TAF3: variants seen among roughly 807,000 people sequenced by gnomAD.
The protein encoded by TAF3 is transcription initiation factor TFIID subunit 3.
A neutral mutation model predicts 80.6 loss-of-function variants in TAF3; 7 were observed. That is an observed-to-expected ratio of 0.09 (90% confidence interval 0.05 to 0.16). TAF3 has a LOEUF of 0.16. Ranked by LOEUF, TAF3 falls within the 10% of genes least tolerant of loss-of-function variation. The pLI is 1.00. For synonymous variants in TAF3, 444 were observed against 446.1 expected (o/e 1.00, Z 0.06); for missense variants, 921 against 1,140.2 (o/e 0.81, Z 2.77).
At chr10:7,902,028 C>G (rs1199509135) in intron 2 of TAF3, among the ~76,000 whole-genome samples, 1 of 152,172 alleles carries the variant, frequency 6.6e-6, no homozygotes, top group African/African-American at 2.4e-5. Context: ...CTGGCAGACA[C>G]TAACTCCGCA....
chr10:7,971,251 A>G (rs752498480), intron 3 of TAF3, among the ~76,000 whole-genome samples: 5 of 152,200 alleles, frequency 3.3e-5, no homozygotes, highest in Non-Finnish European at 7.3e-5. Context: ...CTGTGTTTCT[A>G]AATGGAAATA....
chr10:7,881,266 A>G (rs1471028811), intron 2 of TAF3, among the ~76,000 whole-genome samples: 2 of 150,998 alleles, frequency 1.3e-5, no homozygotes, highest in East Asian at 1.9e-4. Flanking sequence ...AAAAAAACCC[A>G]CAAGCTCTTT....
At chr10:7,857,443 C>T (rs984493747) in intron 2 of TAF3, among the ~76,000 whole-genome samples, 6 of 152,190 alleles carry the variant, frequency 3.9e-5, no homozygotes, top group African/African-American at 1.2e-4. Flanking sequence ...GTTGGCAGGA[C>T]GCCTACAGAG....
intron 4 of TAF3, among the ~76,000 whole-genome samples, chr10:8,005,047 T>C (rs900748498): frequency 2.0e-5 from 3 of 152,226 alleles, no homozygotes; most frequent in African/African-American, 7.2e-5. Context: ...TAAATCTCAG[T>C]TACTGTATTT....
intron 2 of TAF3, among the ~76,000 whole-genome samples, chr10:7,870,428 C>T (rs776026152): frequency 3.9e-5 from 6 of 152,106 alleles, no homozygotes; most frequent in Non-Finnish European, 8.8e-5. Context: ...TCTTTTCTTC[C>T]AGTGGTCGGT....
At chr10:7,864,572 AC>A in intron 2 of TAF3, among the ~76,000 whole-genome samples, 1 of 152,332 alleles carries the variant, frequency 6.6e-6, no homozygotes, top group South Asian at 2.1e-4. Flanking sequence ...TCCTTCATGT[AC>A]AGGTTTCTGT....
At chr10:7,908,122 C>T (rs1350056578) in intron 2 of TAF3, among the ~76,000 whole-genome samples, 2 of 152,206 alleles carry the variant, frequency 1.3e-5, no homozygotes, top group Non-Finnish European at 2.9e-5. Flanking sequence ...CTGCTCCCTG[C>T]CTTCTCCATT....
At chr10:7,987,288 C>T (rs1250311284) in intron 4 of TAF3, among the ~76,000 whole-genome samples, 2 of 151,996 alleles carry the variant, frequency 1.3e-5, no homozygotes, top group African/African-American at 4.8e-5. Context: ...TGCACACCAG[C>T]TTGGGCAATA....
intron 4 of TAF3, among the ~76,000 whole-genome samples, chr10:7,980,948 T>A (rs1831720268): frequency 6.6e-6 from 1 of 152,208 alleles, no homozygotes; most frequent in African/African-American, 2.4e-5. Context: ...GTTCATCCTT[T>A]TCCTCATTTC....
Position 8,015,556 on chromosome 10 carries a change from A to G in TAF3, c.*805A>G, listed in dbSNP as rs982721089. 6 of 152,058 alleles carry G rather than the reference A, an allele frequency of 3.9e-5. No individual in the cohort carries two copies. Among genetic ancestry groups the G allele is most frequent in the Non-Finnish European group, 7.4e-5 (5 of 68,008 alleles). The allele number at this position is 152,058 out of a possible 1,614,324, so 9.4% of individuals were successfully genotyped here. On this transcript the variant is annotated 3_prime_UTR_variant, in exon 7 of 7. Coordinates refer to ENST00000344293, the MANE Select transcript of TAF3 (RefSeq NM_031923.4). ...TATTTATGAAGTAGTTATTTTTTAAATTTTTATCGTGTTTAATTCTGGCTT... is the reference window on the plus strand; with the variant it reads ...TATTTATGAAGTAGTTATTTTTTAAGTTTTTATCGTGTTTAATTCTGGCTT...
intron 4 of TAF3, among the ~76,000 whole-genome samples, chr10:7,996,690 C>T (rs1478506704): frequency 6.6e-6 from 1 of 151,162 alleles, no homozygotes; most frequent in Non-Finnish European, 1.5e-5. Flanking sequence ...CAGGGTCTCA[C>T]TCTGGGATTT....
At chr10:7,842,512 T>C (rs1413623685) in intron 2 of TAF3, among the ~76,000 whole-genome samples, 1 of 152,160 alleles carries the variant, frequency 6.6e-6, no homozygotes, top group Non-Finnish European at 1.5e-5. Context: ...AAAGAAGAAC[T>C]AAAATCAGTT....
intron 2 of TAF3, among the ~76,000 whole-genome samples, chr10:7,932,882 A>G (rs1837881809): frequency 6.6e-6 from 1 of 151,614 alleles, no homozygotes; most frequent in Non-Finnish European, 1.5e-5. Flanking sequence ...ATCTCAATAT[A>G]TTGCCCAGCC....
At chr10:7,917,349 T>G (rs1271815865) in intron 2 of TAF3, among the ~76,000 whole-genome samples, 1 of 152,166 alleles carries the variant, frequency 6.6e-6, no homozygotes, top group East Asian at 1.9e-4. Context: ...TGAAAACATT[T>G]CAGGCACGAG....
intron 2 of TAF3, among the ~76,000 whole-genome samples, chr10:7,959,094 C>T (rs188361819): frequency 3.7e-4 from 56 of 151,622 alleles, no homozygotes; most frequent in African/African-American, 1.3e-3. Context: ...GAGCTGAGAC[C>T]GTGCCATTGC....
chr10:7,937,983 T>TA (rs1301176632), intron 2 of TAF3, among the ~76,000 whole-genome samples: 10 of 152,158 alleles, frequency 6.6e-5, no homozygotes, highest in Admixed American at 2.6e-4. Flanking sequence ...GAGGGCCGCT[T>TA]AGAGGGGATT....
At chr10:7,952,703 A>C (rs1486679924) in intron 2 of TAF3, among the ~76,000 whole-genome samples, 1 of 152,188 alleles carries the variant, frequency 6.6e-6, no homozygotes, top group Non-Finnish European at 1.5e-5. Flanking sequence ...TTTATAATGC[A>C]TCATATTCAC....
intron 4 of TAF3, among the ~76,000 whole-genome samples, chr10:7,987,167 G>A (rs1401060874): frequency 3.3e-5 from 5 of 151,996 alleles, no homozygotes; most frequent in Admixed American, 1.3e-4. Context: ...ACAAAAAATA[G>A]AAAAATTAGC....
In TAF3 at chr10:8,009,435, T is replaced by G; in HGVS notation, c.2568+105T>G. 3.6e-6 allele frequency: 5 copies of G among 1,388,670 alleles called. No homozygotes were observed. Among genetic ancestry groups the G allele is most frequent in the Non-Finnish European group, 4.7e-6 (5 of 1,057,500 alleles). The allele number at this position is 1,388,670 out of a possible 1,614,324, so 86.0% of individuals were successfully genotyped here. A position where few individuals can be genotyped will look rare whatever the true frequency, so the allele number is the denominator to read the frequency against. On this transcript the variant is annotated intron_variant, in intron 5 of 6. Transcript: ENST00000344293. The surrounding 1 kb of genome is among the most constrained non-coding windows in gnomAD (Gnocchi z 4.1). ...TTTCAGACGCATTTCTCTTCAAAAT[T>G]TTATTATTTACTTAATTATTTTTGA...
Sources: gnomAD v4.1 joint callset for allele counts (sites outside exome capture counted in the v4.1 genomes callset) on GRCh38, gnomAD v4.1.1 for gene constraint, Gnocchi (gnomAD v3.1) non-coding constraint, MANE v1.5 for transcripts, NCBI Gene and HGNC (gene_info 2026-07-23, HGNC 2026-07-21) for gene names.